ACOXL: variants seen among roughly 807,000 people sequenced by gnomAD.
The protein encoded by ACOXL is acyl-CoA oxidase like.
Under a neutral mutation model 71.9 loss-of-function variants are expected in ACOXL, and 70 were observed. That is an observed-to-expected ratio of 0.97 (90% CI 0.80 to 1.19). The LOEUF (loss-of-function observed/expected upper bound fraction) is 1.19, where lower values mean the gene tolerates loss of function less well. Among genes scored for constraint, ACOXL ranks in the 50% most tolerant of loss-of-function variants. The pLI, the probability that ACOXL is intolerant of heterozygous loss-of-function variation, is 0.00. For synonymous variants in ACOXL, 253 were observed against 281.6 expected, an observed-to-expected ratio of 0.90 and a Z score of 1.02; for missense variants, 703 against 736.3, an observed-to-expected ratio of 0.95 and a Z score of 0.52.
intron 10 of ACOXL, among the ~76,000 whole-genome samples, chr2:110,842,584 G>T (rs146117587): frequency 6.6e-6 from 1 of 152,342 alleles, no homozygotes; most frequent in Non-Finnish European, 1.5e-5. Context: ...CACAGTTGTA[G>T]AGATGGATAA....
At chr2:110,830,073 G>A (rs990865113) in intron 9 of ACOXL, among the ~76,000 whole-genome samples, 1 of 152,200 alleles carries the variant, frequency 6.6e-6, no homozygotes, top group Non-Finnish European at 1.5e-5. Flanking sequence ...TACACAGAAA[G>A]TCAAACTGTG....
chr2:110,794,094 A>T lies in ACOXL; in HGVS notation c.265A>T (p.Met89Leu). The T allele has an allele frequency of 6.2e-7, 1 of 1,614,156 alleles. No individual in the cohort carries two copies. Among genetic ancestry groups the T allele is most frequent in the Non-Finnish European group, 8.5e-7 (1 of 1,180,018 alleles). The change falls in exon 5 of 18, where the codon ATG (methionine) becomes TTG (leucine). Residue 89 changes from methionine to leucine, a missense_variant. By Grantham distance (15) the Met-to-Leu change is conservative (BLOSUM62 2). Transcript: ENST00000439055. ...QPLQEQKYTG[M>L]FAMTERGHGS... The stretch of plus-strand genomic sequence containing the variant: ...ACTCCAGGAGCAGAAATACACTGGG[A>T]TGTTTGCAATGACCGAGAGGGGCCA...
intron 11 of ACOXL, among the ~76,000 whole-genome samples, chr2:110,914,808 A>G (rs2059777905): frequency 6.6e-6 from 1 of 152,126 alleles, no homozygotes; most frequent in African/African-American, 2.4e-5. Context: ...TTCACTGCAG[A>G]TTGTTATTGT....
chr2:111,027,219 A>T (rs1293424928), intron 14 of ACOXL, among the ~76,000 whole-genome samples: 1 of 151,226 alleles, frequency 6.6e-6, no homozygotes, highest in Non-Finnish European at 1.5e-5. Context: ...AACCCTTCTT[A>T]TATAGGGGTC....
At position 111,003,550 on chromosome 2, in the gene ACOXL, CA is replaced by C. The variant is rs548001377; in HGVS notation, c.1281+7575del. ...TGGGCGACAGGGCGAGACTCTGTCTCAAAAAAAAAAAAAAAAAAAAAAAAAA... is the reference window on the plus strand; with the variant it reads ...TGGGCGACAGGGCGAGACTCTGTCTCAAAAAAAAAAAAAAAAAAAAAAAAA... On this transcript the variant is annotated intron_variant, in intron 14 of 17. Transcript: ENST00000439055. Among the ~76,000 whole-genome samples, 7 of 35,332 alleles carry C rather than the reference CA, an allele frequency of 2.0e-4. No homozygotes were observed. The East Asian group carries it at 2.4e-3, about 12-fold the overall frequency. The allele number at this position is 35,332 out of a possible 152,430, so 23.2% of individuals were successfully genotyped here. A position where few individuals can be genotyped will look rare whatever the true frequency, so the allele number is the denominator to read the frequency against.
intron 14 of ACOXL, among the ~76,000 whole-genome samples, chr2:111,011,987 C>T (rs2149673408): frequency 7.5e-6 from 1 of 134,132 alleles, no homozygotes; most frequent in African/African-American, 2.9e-5. Flanking sequence ...TAATTCTACA[C>T]AGGTATACTC....
chr2:110,974,460 T>C (rs2062355592), intron 12 of ACOXL, among the ~76,000 whole-genome samples: 2 of 152,314 alleles, frequency 1.3e-5, no homozygotes, highest in South Asian at 2.1e-4. Context: ...AATTTAATTA[T>C]ACCCTCCACC....
intron 10 of ACOXL, among the ~76,000 whole-genome samples, chr2:110,856,673 C>T (rs1448122901): frequency 1.3e-5 from 2 of 152,148 alleles, no homozygotes; most frequent in African/African-American, 2.4e-5. Flanking sequence ...GGGTGATAAG[C>T]ACTTAATTAA....
chr2:111,073,851 A>G (rs1374358761), intron 16 of ACOXL, among the ~76,000 whole-genome samples: 2 of 152,210 alleles, frequency 1.3e-5, no homozygotes, highest in Non-Finnish European at 2.9e-5. Context: ...GTTTGGGAAG[A>G]ATTAACAAAT....
chr2:110,798,881 T>G, intron 6 of ACOXL, 133 bp from the exon 7 acceptor site: 1 of 1,147,440 alleles, frequency 8.7e-7, no homozygotes, highest in Non-Finnish European at 1.3e-6. Flanking sequence ...ATTTTGACAT[T>G]ATATGCTCTC....
intron 13 of ACOXL, among the ~76,000 whole-genome samples, chr2:110,988,140 G>A (rs550833472): frequency 3.3e-5 from 5 of 152,138 alleles, no homozygotes; most frequent in Non-Finnish European, 5.9e-5. Flanking sequence ...ACTGATCTTA[G>A]CAGAATATTG....
chr2:110,999,993 A>C (rs535632336), intron 14 of ACOXL, among the ~76,000 whole-genome samples: 1 of 152,354 alleles, frequency 6.6e-6, no homozygotes, highest in South Asian at 2.1e-4. Flanking sequence ...GCACAGCAGC[A>C]GATACCTAAT....
At chr2:110,870,605 A>T (rs986129344) in intron 10 of ACOXL, among the ~76,000 whole-genome samples, 3 of 152,094 alleles carry the variant, frequency 2.0e-5, no homozygotes, top group East Asian at 1.9e-4. Context: ...AGGCATTCTG[A>T]TTTGCAGCCA....
intron 12 of ACOXL, among the ~76,000 whole-genome samples, chr2:110,956,049 C>T (rs925531105): frequency 3.3e-5 from 5 of 149,946 alleles, no homozygotes; most frequent in South Asian, 2.1e-4. Flanking sequence ...AGCAATTCTG[C>T]GTCAGCCTCC....
chr2:110,755,400 A>G (rs1573355736), intron 1 of ACOXL, among the ~76,000 whole-genome samples: 1 of 152,244 alleles, frequency 6.6e-6, no homozygotes, highest in Non-Finnish European at 1.5e-5. Context: ...TTTATATGCC[A>G]TTGTTATACA....
intron 9 of ACOXL, 85 bp downstream of exon 9, chr2:110,805,480 T>G: frequency 1.9e-6 from 3 of 1,557,074 alleles, no homozygotes; most frequent in Non-Finnish European, 8.8e-7. Context: ...GAGCTGAGCT[T>G]CTGGAGCCAC....
chr2:110,902,795 G>A (rs1013062948), intron 10 of ACOXL, among the ~76,000 whole-genome samples: 2 of 152,218 alleles, frequency 1.3e-5, no homozygotes, highest in Admixed American at 6.5e-5. Context: ...GGAGAAACAG[G>A]ACAGATGGGC....
In ACOXL at chr2:110,768,418, A is replaced by G. The variant is rs1156230309; in HGVS notation, c.29A>G (p.Lys10Arg). Residue 10 changes from lysine to arginine, a missense_variant, in exon 2 of 18, where the codon AAG becomes AGG. Physicochemically the swap from Lys to Arg is conservative, Grantham distance 26. Coordinates refer to ENST00000439055, the MANE Select transcript of ACOXL (RefSeq NM_001142807.4). Reference sequence around the variant, plus strand: ...AGAGCTTTGACAGTTCAGAGAGTGAAGTTTGCCATGGACCTGCCTCTGTTA... The same window carrying G: ...AGAGCTTTGACAGTTCAGAGAGTGAGGTTTGCCATGGACCTGCCTCTGTTA... MRALTVQRV[K>R]FAMDLPLLKR... 1 of 1,613,708 alleles carries G rather than the reference A, an allele frequency of 6.2e-7. No individual in the cohort carries two copies. Among genetic ancestry groups the G allele is most frequent in the Non-Finnish European group, 8.5e-7 (1 of 1,179,916 alleles).
intron 16 of ACOXL, among the ~76,000 whole-genome samples, chr2:111,066,855 G>C (rs908385039): frequency 2.0e-5 from 3 of 151,970 alleles, no homozygotes; most frequent in Non-Finnish European, 4.4e-5. Context: ...TACATTTTAC[G>C]CATGATATGA....
Sources: allele counts gnomAD v4.1 joint callset (sites outside exome capture counted in the v4.1 genomes callset), GRCh38; gene constraint gnomAD v4.1.1; transcripts MANE v1.5; gene names NCBI Gene and HGNC (gene_info 2026-07-23, HGNC 2026-07-21).